The following RGMB variants were observed in gnomAD, a reference collection of about 807,000 sequenced individuals.
RGMB encodes repulsive guidance molecule B.
Under a neutral mutation model 26.9 loss-of-function variants are expected in RGMB, and 16 were observed. The ratio of observed to expected loss-of-function variants is 0.60; its 90% CI spans 0.40 to 0.90. RGMB has a LOEUF of 0.90. Among genes scored for constraint, RGMB ranks in the 40% least tolerant of loss-of-function variants. RGMB has a pLI of 0.00. For synonymous variants in RGMB, 225 were observed against 229.3 expected (o/e 0.98, Z 0.17); for missense variants, 512 against 573.3 (o/e 0.89, Z 1.09).
intron 1 of RGMB, among the ~76,000 whole-genome samples, chr5:98,776,733 C>T (rs988373042): frequency 2.4e-5 from 3 of 126,784 alleles, no homozygotes; most frequent in African/African-American, 5.0e-5. Context: ...AAAAGAACCC[C>T]GGGAGATCTG....
chr5:98,788,677 C>T lies in RGMB; in HGVS notation c.646-4408C>T, dbSNP rs562175751. Among the ~76,000 whole-genome samples, 5 of 152,318 alleles carry T rather than the reference C, an allele frequency of 3.3e-5. No homozygotes were observed. In the South Asian group the frequency reaches 1.0e-3, roughly 32 times the overall value. On this transcript the variant is annotated intron_variant, in intron 2 of 2. Coordinates refer to ENST00000513185, the MANE Select transcript of RGMB (RefSeq NM_001366508.1). ...CCAAAATCCACACTTCAGAATTACC[C>T]TGGCGGGTAGGGAGGAGTGGGACCA... is the stretch of plus-strand genomic sequence containing the variant.
chr5:98,781,670 T>C (rs1746611999), intron 2 of RGMB, among the ~76,000 whole-genome samples: 1 of 152,152 alleles, frequency 6.6e-6, no homozygotes, highest in Non-Finnish European at 1.5e-5. Flanking sequence ...CGAACAAAAC[T>C]ATAGAGATTA....
chr5:98,786,249 C>A (rs951667679), intron 2 of RGMB, among the ~76,000 whole-genome samples: 2 of 152,190 alleles, frequency 1.3e-5, no homozygotes, highest in Non-Finnish European at 2.9e-5. Context: ...GAATGCCCCC[C>A]ATTTGTAAGT....
At position 98,788,941 on chromosome 5, in the gene RGMB, C is replaced by T. The variant is rs552160842; in HGVS notation, c.646-4144C>T. Among the ~76,000 whole-genome samples the T allele has an allele frequency of 1.6e-4, 24 of 152,208 alleles. No homozygotes were observed. In the East Asian group the frequency reaches 4.6e-3, roughly 29 times the overall value. The stretch of plus-strand genomic sequence containing the variant: ...ACTGTAGAGGCTGCATGCTGTTAAC[C>T]ATGTGTTAAGAGTAAAAGGGGCTGT... On this transcript the variant is annotated intron_variant, in intron 2 of 2. Transcript: ENST00000513185.
rs958919737 is a variant in RGMB, at chr5:98,773,753, C to G, written c.-318C>G. 38 of 383,346 alleles carry G rather than the reference C, an allele frequency of 9.9e-5. No individual in the cohort carries two copies. The highest frequency in any genetic ancestry group is 8.0e-4 in the African/African-American group (38 of 47,622). The allele number at this position is 383,346 out of a possible 1,614,324, so 23.7% of individuals were successfully genotyped here. A position where few individuals can be genotyped will look rare whatever the true frequency, so the allele number is the denominator to read the frequency against. On this transcript the variant is annotated 5_prime_UTR_variant, in exon 1 of 3. Transcript: ENST00000513185. ...CCGCCGAGCCCACGCTGGCTGGGGC[C>G]GGGGTGCCGGCGCGCTCGGGACTCG...
chr5:98,792,402 C>G (rs1232560681), intron 2 of RGMB, among the ~76,000 whole-genome samples: 1 of 152,182 alleles, frequency 6.6e-6, no homozygotes, highest in Non-Finnish European at 1.5e-5. Context: ...GACTCATCCA[C>G]TTTGGAAGCA....
intron 1 of RGMB, among the ~76,000 whole-genome samples, chr5:98,775,251 C>CA (rs772171244): frequency 6.0e-4 from 91 of 152,186 alleles, no homozygotes; most frequent in Non-Finnish European, 1.1e-3. Context: ...TGCTAAAAAT[C>CA]AGGGAGGTCT....
upstream of RGMB, chr5:98,771,745 G>A (rs1320676274): frequency 6.6e-6 from 1 of 152,188 alleles, no homozygotes; most frequent in Non-Finnish European, 1.5e-5. Context: ...CTATTGATAG[G>A]AAAATCTAGA....
Position 98,793,304 on chromosome 5 carries a change from C to A in RGMB, c.865C>A (p.Leu289Met). 1 of 1,613,822 alleles carries A rather than the reference C, an allele frequency of 6.2e-7. No individual in the cohort carries two copies. The highest frequency in any genetic ancestry group is 1.3e-5 in the African/African-American group (1 of 75,054). The change falls in exon 3 of 3, where the codon CTG becomes ATG. Residue 289 changes from leucine (L) to methionine (M), a missense_variant. Physicochemically the swap from Leu to Met is conservative, Grantham distance 15. Transcript: ENST00000513185. ...GTTTGTGCGGCAGGTGGGTCGCTAC[C>A]TGACCCTTGCCATCCGTATGCCTGA... Reference protein sequence around the residue: ...TVFVRQVGRYLTLAIRMPEDL... With the variant: ...TVFVRQVGRYMTLAIRMPEDL...
intron 2 of RGMB, among the ~76,000 whole-genome samples, chr5:98,792,542 T>TG (rs915653194): frequency 3.9e-5 from 6 of 151,992 alleles, no homozygotes; most frequent in Non-Finnish European, 8.8e-5. Context: ...AAGACCAGCC[T>TG]GGGCAACGTA....
intron 2 of RGMB, among the ~76,000 whole-genome samples, chr5:98,784,231 T>C (rs1294664467): frequency 6.6e-6 from 1 of 152,194 alleles, no homozygotes; most frequent in Non-Finnish European, 1.5e-5. Flanking sequence ...GGCAATCCTA[T>C]GGGCAGCACT....
At chr5:98,776,646 C>T (rs1466293118) in intron 1 of RGMB, among the ~76,000 whole-genome samples, 2 of 152,228 alleles carry the variant, frequency 1.3e-5, no homozygotes, top group African/African-American at 4.8e-5. Context: ...AATGCTGACC[C>T]AATCGCACTT....
At position 98,779,760 on chromosome 5, in the gene RGMB, ATTCTGCCG is replaced by A. The variant is rs954350262; in HGVS notation, c.319_326del (p.Ser107ValfsTer5). On this transcript the variant is annotated frameshift_variant, in exon 2 of 3. Transcript: ENST00000513185. LOFTEE classifies it high-confidence loss of function. Reference sequence around the variant, plus strand: ...GCCTGCCGTGGCAACCTGGTATACCATTCTGCCGTGTTGGGTATCAGTGACCTCATGAG... The same window carrying A: ...GCCTGCCGTGGCAACCTGGTATACCATGTTGGGTATCAGTGACCTCATGAG... 1 of 1,613,906 alleles carries A rather than the reference ATTCTGCCG, an allele frequency of 6.2e-7. No homozygotes were observed. The highest frequency in any genetic ancestry group is 1.3e-5 in the African/African-American group (1 of 74,942).
At chr5:98,770,647 T>C, upstream of RGMB, 1 of 1,449,200 alleles carries the variant, frequency 6.9e-7, no homozygotes, top group Non-Finnish European at 9.1e-7. Context: ...CTGAGCCCCC[T>C]CCAGGAGCGA....
intron 2 of RGMB, among the ~76,000 whole-genome samples, chr5:98,788,056 G>A (rs955327975): frequency 2.6e-5 from 4 of 152,204 alleles, no homozygotes; most frequent in Non-Finnish European, 5.9e-5. Flanking sequence ...TGAAGAATAA[G>A]TTTGGTCCAT....
chr5:98,776,614 A>G (rs1422374987), intron 1 of RGMB, among the ~76,000 whole-genome samples: 1 of 152,260 alleles, frequency 6.6e-6, no homozygotes, highest in Admixed American at 6.5e-5. Context: ...GTCATTATAT[A>G]GAAGCCCACA....
intron 2 of RGMB, chr5:98,792,874 T>G (rs1282532601): frequency 2.3e-6 from 1 of 432,576 alleles, no homozygotes; most frequent in Non-Finnish European, 4.1e-6. Flanking sequence ...ATGCACAGAT[T>G]TATTTAAACT....
chr5:98,777,224 A>T (rs915580625), intron 1 of RGMB, among the ~76,000 whole-genome samples: 1 of 152,076 alleles, frequency 6.6e-6, no homozygotes. Context: ...TTGATATTTT[A>T]TGACTATTTG....
chr5:98,779,372 A>T (rs1440452527), intron 1 of RGMB, among the ~76,000 whole-genome samples: 1 of 152,260 alleles, frequency 6.6e-6, no homozygotes, highest in Non-Finnish European at 1.5e-5. Flanking sequence ...GTTGTAAGTT[A>T]ACTAATTGCA....
Sources: gnomAD v4.1 joint callset for allele counts (sites outside exome capture counted in the v4.1 genomes callset) on GRCh38, gnomAD v4.1.1 for gene constraint, MANE v1.5 for transcripts, NCBI Gene and HGNC (gene_info 2026-07-23, HGNC 2026-07-21) for gene names.